The following ABCC6 variants were observed in gnomAD, a reference collection of about 807,000 sequenced individuals.
The protein encoded by ABCC6 is ATP-binding cassette sub-family C member 6.
ABCC6 carries 126 observed loss-of-function variants against 169.5 expected under a neutral mutation model. That is an observed-to-expected ratio of 0.74 (90% CI 0.64 to 0.86). The LOEUF is 0.86. Among genes scored for constraint, ABCC6 ranks in the 40% least tolerant of loss-of-function variants. ABCC6 has a pLI of 0.00. For missense variants in ABCC6, 1,733 were observed against 1,927.2 expected, an observed-to-expected ratio of 0.90 and a Z score of 1.89; for synonymous variants, 752 against 814.7, an observed-to-expected ratio of 0.92 and a Z score of 1.31.
intron 6 of ABCC6, among the ~76,000 whole-genome samples, 180 bp from the exon 7 acceptor site, chr16:16,209,039 T>A (rs1167194206): frequency 3.9e-5 from 6 of 152,068 alleles, no homozygotes; most frequent in African/African-American, 1.4e-4. Context: ...CATTTCTCGT[T>A]TCACAAAGAT....
At chr16:16,189,420 T>A (rs79306487) in intron 12 of ABCC6, among the ~76,000 whole-genome samples, 2 of 75,094 alleles carry the variant, frequency 2.7e-5, no homozygotes, top group South Asian at 7.1e-4. Context: ...TTTGTGGTGC[T>A]TTTTTTTTTT....
rs771913153 is a variant in ABCC6 at position 16,192,891 on chromosome 16, G to C, written c.1370C>G (p.Ala457Gly). The C allele has an allele frequency of 1.9e-6, 3 of 1,614,178 alleles. No individual in the cohort carries two copies. In the South Asian group the frequency reaches 3.3e-5, roughly 18 times the overall value. Residue 457 changes from alanine (A) to glycine (G), a missense_variant, in exon 11 of 31, where the codon GCT becomes GGT. Ala to Gly is a moderately conservative substitution (Grantham distance 60, BLOSUM62 0). This residue lies in a region of ABCC6 where 1,601 missense variants were observed against 1,635.5 expected (regional missense o/e 0.98). Coordinates refer to ENST00000205557, the MANE Select transcript of ABCC6 (RefSeq NM_001171.6). ...LLGPSALTAI[A>G]VFLSLLPLNF... ...CAGAGGGAGGAGGCTCAGGAAGACA[G>C]CGATGGCAGTGAGGGCGGAGGGCCC...
At chr16:16,216,179 C>T (rs2048865771) in intron 4 of ABCC6, among the ~76,000 whole-genome samples, 1 of 152,208 alleles carries the variant, frequency 6.6e-6, no homozygotes, top group Non-Finnish European at 1.5e-5. Context: ...GCCTTGGCCT[C>T]CCAAAGTGCT....
chr16:16,157,561 G>A, intron 27 of ABCC6, 102 bp downstream of exon 27: 1 of 1,470,448 alleles, frequency 6.8e-7, no homozygotes, highest in Non-Finnish European at 9.4e-7. Context: ...GACCTGAGGT[G>A]GGGACACTGT....
Position 16,204,398 on chromosome 16 carries a change from A to G in ABCC6, c.795-785T>C, listed in dbSNP as rs570167492. Reference sequence around the variant, plus strand: ...CCTATCGTGTTGTCAACCTGGAGGAAGAACAGCACCCCGTCCCCAACACAC... The same window carrying G: ...CCTATCGTGTTGTCAACCTGGAGGAGGAACAGCACCCCGTCCCCAACACAC... On this transcript the variant is annotated intron_variant, in intron 7 of 30. Transcript: ENST00000205557. 7.8e-3 allele frequency among the ~76,000 whole-genome samples: 1,191 copies of G among 152,280 alleles called. 15 individuals carry two copies. Among genetic ancestry groups the G allele is most frequent in the African/African-American group, 0.028 (1,150 of 41,562 alleles).
In ABCC6 at chr16:16,221,695, T is replaced by C. The variant is rs1443741562; in HGVS notation, c.173A>G (p.His58Arg). ...GPIYLLFIHH[H>R]GRGYLRMSPL... ...GGACATCCGGAGGTAGCCCCGGCCA[T>C]GGTGGTGGATGAAGAGGAGGTAGAT... Residue 58 changes from histidine (H) to arginine (R), a missense_variant, in exon 2 of 31, where the codon CAT becomes CGT. Physicochemically the swap from His to Arg is conservative, Grantham distance 29. Transcript: ENST00000205557. 3.1e-6 allele frequency: 5 copies of C among 1,613,682 alleles called. No individual in the cohort carries two copies. The East Asian group carries it at 8.9e-5, about 29-fold the overall frequency.
intron 21 of ABCC6, among the ~76,000 whole-genome samples, chr16:16,171,750 C>G (rs907293456): frequency 6.6e-6 from 1 of 150,844 alleles, no homozygotes; most frequent in Non-Finnish European, 1.5e-5. Context: ...ATGGGTTGGA[C>G]AGATAAATGA....
chr16:16,220,931 C>A (rs1340075878), intron 2 of ABCC6, among the ~76,000 whole-genome samples: 1 of 151,722 alleles, frequency 6.6e-6, no homozygotes, highest in Non-Finnish European at 1.5e-5. Context: ...GTAACACAGT[C>A]ATGACTATTG....
intron 25 of ABCC6, 136 bp from the exon 26 acceptor site, chr16:16,159,719 G>A: frequency 1.1e-5 from 8 of 749,232 alleles, no homozygotes; most frequent in Non-Finnish European, 1.9e-5. Flanking sequence ...GGGACAGTCT[G>A]AGGACCTGGG....
At position 16,221,739 on chromosome 16, in the gene ABCC6, G is replaced by T; in HGVS notation, c.129C>A (p.Tyr43Ter). 2 of 1,613,730 alleles carry T rather than the reference G, an allele frequency of 1.2e-6. No individual in the cohort carries two copies. Among genetic ancestry groups the T allele is most frequent in the South Asian group, 1.1e-5 (1 of 91,048 alleles). Reference protein sequence around the residue: ...RTAGVWVPPMYLWVLGPIYLL... With the variant: ...RTAGVWVPPM ...GGTAGATGGGACCAAGGACCCAGAG[G>T]TACATGGGGGGTACCCAGACCCCTG... The change falls in exon 2 of 31, where the codon TAC becomes TAA. Residue 43 changes from tyrosine (Y) to a stop codon, truncating the protein, a stop_gained. Coordinates refer to ENST00000205557, the MANE Select transcript of ABCC6 (RefSeq NM_001171.6). LOFTEE classifies it high-confidence loss of function.
intron 21 of ABCC6, among the ~76,000 whole-genome samples, chr16:16,170,907 G>A (rs770193618): frequency 1.4e-4 from 13 of 94,894 alleles, no homozygotes; most frequent in African/African-American, 3.8e-4. Context: ...CGACAAGAGT[G>A]AAACTCTGTC....
At position 16,221,483 on chromosome 16, in the gene ABCC6, C is replaced by T. The variant is rs907173919; in HGVS notation, c.219+166G>A. 1.0e-5 allele frequency: 15 copies of T among 1,463,124 alleles called. No homozygotes were observed. The African/African-American group carries it at 2.0e-4, about 19-fold the overall frequency. The allele number at this position is 1,463,124 out of a possible 1,614,324, so 90.6% of individuals were successfully genotyped here. A position where few individuals can be genotyped will look rare whatever the true frequency, so the allele number is the denominator to read the frequency against. On this transcript the variant is annotated intron_variant, in intron 2 of 30. Coordinates refer to ENST00000205557, the MANE Select transcript of ABCC6 (RefSeq NM_001171.6). ...AAATCTGTTTGGGAGAACCGTGTTC[C>T]ACTGAGTTGACCTCTGTAGCCTTTC...
intron 24 of ABCC6, among the ~76,000 whole-genome samples, chr16:16,162,711 G>A (rs2046756161): frequency 6.6e-6 from 1 of 152,204 alleles, no homozygotes; most frequent in Non-Finnish European, 1.5e-5. Flanking sequence ...AAAGATGGCT[G>A]AGGATGCTTA....
Position 16,165,756 on chromosome 16 carries a change from T to C in ABCC6, c.3173A>G (p.Asp1058Gly). ...FSKETDTVDV[D>G]IPDKLRSLLM... is the part of the protein sequence containing the mutation. The stretch of plus-strand genomic sequence containing the variant: ...CAGGGACCGGAGTTTGTCTGGAATG[T>C]CCACGTCAACCGTGTCTGTCTCCTT... Residue 1058 changes from aspartate (D) to glycine (G), a missense_variant, in exon 23 of 31, where the codon GAC becomes GGC. Asp to Gly is a moderately conservative substitution (Grantham distance 94). Around this residue, in one of 5 missense-constraint regions of ABCC6, gnomAD observed 1,601 missense variants for 1,635.5 expected, o/e 0.98. Transcript: ENST00000205557. 1 of 1,613,778 alleles carries C rather than the reference T, an allele frequency of 6.2e-7. No individual in the cohort carries two copies. Among genetic ancestry groups the C allele is most frequent in the East Asian group, 2.2e-5 (1 of 44,878 alleles).
At chr16:16,172,011 T>G in intron 21 of ABCC6, among the ~76,000 whole-genome samples, 1 of 122,574 alleles carries the variant, frequency 8.2e-6, no homozygotes, top group African/African-American at 3.2e-5. Flanking sequence ...AATGGGAGGG[T>G]GGGATGGATA....
intron 1 of ABCC6, 66 bp from the exon 2 acceptor site, chr16:16,221,897 G>A (rs1415030229): frequency 4.2e-5 from 68 of 1,611,662 alleles, no homozygotes; most frequent in Non-Finnish European, 5.6e-5. Flanking sequence ...ACCTGCCCAG[G>A]GGGCCAGGCA....
chr16:16,181,987 C>A, intron 17 of ABCC6: 1 of 250,588 alleles, frequency 4.0e-6, no homozygotes, highest in Non-Finnish European at 7.8e-6. Context: ...GGCTTGGGGT[C>A]ACAGTTTGCC....
rs1596682541 is a variant in ABCC6 at position 16,191,208 on chromosome 16, T to C, written c.1432-841A>G. Among the ~76,000 whole-genome samples, 5 of 152,000 alleles carry C rather than the reference T, an allele frequency of 3.3e-5. No individual in the cohort carries two copies. The East Asian group carries it at 9.7e-4, about 29-fold the overall frequency. On this transcript the variant is annotated intron_variant, in intron 11 of 30. Transcript: ENST00000205557. ...TCGGCTCACTGTAACCTCCGCCTCCTGGGTTCAAGCGATTCTCCTGCCTGA... is the reference window on the plus strand; with the variant it reads ...TCGGCTCACTGTAACCTCCGCCTCCCGGGTTCAAGCGATTCTCCTGCCTGA...
intron 25 of ABCC6, 104 bp from the exon 26 acceptor site, chr16:16,159,687 A>G: frequency 9.9e-7 from 1 of 1,010,962 alleles, no homozygotes; most frequent in Non-Finnish European, 1.5e-6. Flanking sequence ...GACCCAGGGG[A>G]GTAAAGAGGG....
Sources: gnomAD v4.1 joint callset for allele counts (sites outside exome capture counted in the v4.1 genomes callset) on GRCh38, gnomAD v4.1.1 for gene constraint, gnomAD v4.1.1 regional missense constraint, MANE v1.5 for transcripts, NCBI Gene and HGNC (gene_info 2026-07-23, HGNC 2026-07-21) for gene names.